Variants in NCOR2 observed in about 807,000 individuals in gnomAD.
The protein encoded by NCOR2 is CTG repeat protein 26.
NCOR2 carries 81 observed loss-of-function variants against 262.9 expected under a neutral mutation model. The observed-to-expected ratio is 0.31, with a 90% CI of 0.26 to 0.37. The LOEUF (loss-of-function observed/expected upper bound fraction) is 0.37, where lower values mean the gene tolerates loss of function less well. Among genes scored for constraint, NCOR2 ranks in the 10% least tolerant of loss-of-function variants. NCOR2 has a pLI of 1.00. For missense variants in NCOR2, 3,385 were observed against 3,621.4 expected (o/e 0.93, Z 1.68); for synonymous variants, 1,659 against 1,559.3 (o/e 1.06, Z -1.51).
At chr12:124,375,133 G>A (rs1320705333) in intron 18 of NCOR2, among the ~76,000 whole-genome samples, 1 of 152,206 alleles carries the variant, frequency 6.6e-6, no homozygotes, top group Non-Finnish European at 1.5e-5. Context: ...CTTGCCCAAG[G>A]CCACGCTGTG....
chr12:124,332,854 A>G (rs2035326217), intron 42 of NCOR2, among the ~76,000 whole-genome samples: 1 of 151,888 alleles, frequency 6.6e-6, no homozygotes, highest in Admixed American at 6.6e-5. Flanking sequence ...CACCTAGCTC[A>G]TTATTTCTTA....
intron 28 of NCOR2, 57 bp from the exon 31 acceptor site, chr12:124,348,371 G>C: frequency 6.5e-7 from 1 of 1,541,910 alleles, no homozygotes; most frequent in South Asian, 1.2e-5. Context: ...GGACCACGGT[G>C]GGCAGGCAGG....
chr12:124,422,521 C>T (rs151121805), exon 12 of NCOR2: 18 of 1,614,040 alleles, frequency 1.1e-5, no homozygotes, highest in East Asian at 2.2e-5. Flanking sequence ...AGGAATGATG[C>T]GATCAGGCCA....
intron 17 of NCOR2, among the ~76,000 whole-genome samples, chr12:124,383,809 C>G (rs1053605916): frequency 1.3e-5 from 2 of 152,244 alleles, no homozygotes; most frequent in African/African-American, 4.8e-5. Flanking sequence ...GTGCCCAAAT[C>G]CACAAGCTGG....
At chr12:124,476,718 G>A (rs897610574) in intron 3 of NCOR2, among the ~76,000 whole-genome samples, 6 of 152,088 alleles carry the variant, frequency 3.9e-5, no homozygotes, top group Admixed American at 1.3e-4. Flanking sequence ...CTTTAAGTTC[G>A]GGTTTAGCTT....
rs2135920612 is a variant in NCOR2 at position 124,355,583 on chromosome 12, A to G, written c.3242-12T>C. 4.5e-6 allele frequency: 7 copies of G among 1,546,680 alleles called. No homozygotes were observed. The South Asian group carries it at 5.0e-5, about 11-fold the overall frequency. On this transcript the variant is annotated splice_polypyrimidine_tract_variant and intron_variant, in intron 23 of 46. Transcript: ENST00000405201. ...GGGCAGTGGGTGACCTGTGGAGCAC[A>G]TGTCTGTCCATTGTGGGGCCCAGGA...
chr12:124,386,195 T>C (rs1324723554), intron 16 of NCOR2, among the ~76,000 whole-genome samples: 1 of 152,000 alleles, frequency 6.6e-6, no homozygotes, highest in Non-Finnish European at 1.5e-5. Flanking sequence ...CCGAGGCCAC[T>C]GCGCGGGAGT....
chr12:124,347,750 G>C (rs1697643555), intron 30 of NCOR2, 75 bp downstream of exon 32: 1 of 1,442,672 alleles, frequency 6.9e-7, no homozygotes, highest in Admixed American at 2.0e-5. Context: ...CACTCTGGCT[G>C]TGTCTCTCCC....
chr12:124,498,029 C>A (rs1248630932), upstream of NCOR2, among the ~76,000 whole-genome samples: 1 of 152,202 alleles, frequency 6.6e-6, no homozygotes, highest in Non-Finnish European at 1.5e-5. Context: ...AAAGCAAATT[C>A]TATTCCCTTC....
At chr12:124,406,273 G>C (rs1386452477) in intron 13 of NCOR2, among the ~76,000 whole-genome samples, 1 of 152,228 alleles carries the variant, frequency 6.6e-6, no homozygotes, top group African/African-American at 2.4e-5. Context: ...GATTTGGCCT[G>C]TGGGCTTTCG....
intron 46 of NCOR2, 142 bp downstream of exon 48, chr12:124,326,049 G>T: frequency 1.1e-6 from 1 of 913,098 alleles, no homozygotes; most frequent in Non-Finnish European, 1.5e-6. Flanking sequence ...AGCTGCCCAG[G>T]CCCCTGGACA....
intron 6 of NCOR2, among the ~76,000 whole-genome samples, chr12:124,453,571 G>A (rs1165472775): frequency 1.3e-5 from 2 of 152,208 alleles, no homozygotes; most frequent in African/African-American, 2.4e-5. Context: ...GGGAGGAGGC[G>A]GCCCCCCTCG....
chr12:124,472,615 C>T (rs2046884696), intron 4 of NCOR2, among the ~76,000 whole-genome samples: 1 of 152,234 alleles, frequency 6.6e-6, no homozygotes, highest in Non-Finnish European at 1.5e-5. Context: ...AACTTTCACC[C>T]TCCATTCTTG....
At chr12:124,364,427 G>C (rs1224440790) in intron 20 of NCOR2, among the ~76,000 whole-genome samples, 2 of 152,236 alleles carry the variant, frequency 1.3e-5, no homozygotes, top group Admixed American at 1.3e-4. Context: ...TATCCACGAA[G>C]GACGAGGACA....
At chr12:124,493,342 C>G (rs1318664886) in intron 1 of NCOR2, among the ~76,000 whole-genome samples, 1 of 152,236 alleles carries the variant, frequency 6.6e-6, no homozygotes, top group Non-Finnish European at 1.5e-5. Flanking sequence ...CCCCTCTGGG[C>G]AGCTGCAGGT....
At chr12:124,399,889 G>C (rs1175168234) in intron 15 of NCOR2, among the ~76,000 whole-genome samples, 1 of 152,104 alleles carries the variant, frequency 6.6e-6, no homozygotes, top group Non-Finnish European at 1.5e-5. Context: ...TTTCTGGGAG[G>C]GTAGTGAGGG....
intron 13 of NCOR2, among the ~76,000 whole-genome samples, chr12:124,415,753 A>G (rs1365344127): frequency 6.6e-6 from 1 of 152,192 alleles, no homozygotes; most frequent in Non-Finnish European, 1.5e-5. Flanking sequence ...GGCACCGCAG[A>G]TACCACGGCT....
intron 1 of NCOR2, among the ~76,000 whole-genome samples, chr12:124,494,357 C>T (rs1239440760): frequency 6.6e-6 from 1 of 152,220 alleles, no homozygotes; most frequent in Non-Finnish European, 1.5e-5. Flanking sequence ...ACTCTGAAAG[C>T]CGCTTGGCAA....
intron 1 of NCOR2, among the ~76,000 whole-genome samples, chr12:124,546,894 G>A (rs1264305525): frequency 1.3e-5 from 2 of 152,222 alleles, no homozygotes; most frequent in Non-Finnish European, 2.9e-5. Context: ...AGCAGTGCCT[G>A]TATTCAAGTA....
Sources: gnomAD v4.1 joint callset for allele counts (sites outside exome capture counted in the v4.1 genomes callset) on GRCh38, gnomAD v4.1.1 for gene constraint, MANE v1.5 for transcripts, NCBI Gene and HGNC (gene_info 2026-07-23, HGNC 2026-07-21) for gene names.